The following SRRM4 variants were observed in gnomAD, a reference collection of about 807,000 sequenced individuals.
The protein encoded by SRRM4 is serine/arginine repetitive matrix 4.
SRRM4 carries 33 observed loss-of-function variants against 68.9 expected under a neutral mutation model. That is an observed-to-expected ratio of 0.48 (90% confidence interval 0.36 to 0.64). The LOEUF is 0.64. Among genes scored for constraint, SRRM4 ranks in the 30% least tolerant of loss-of-function variants. The pLI is 0.00. For synonymous variants in SRRM4, 318 were observed against 318.8 expected (o/e 1.00, Z 0.03); for missense variants, 817 against 827.1 (o/e 0.99, Z 0.15).
At chr12:118,991,049 C>T (rs1953313452) in intron 1 of SRRM4, among the ~76,000 whole-genome samples, 1 of 152,156 alleles carries the variant, frequency 6.6e-6, no homozygotes, top group Non-Finnish European at 1.5e-5. Flanking sequence ...AGGTGATCCA[C>T]CCTCCTCGGC....
intron 5 of SRRM4, 145 bp downstream of exon 5, chr12:119,120,421 A>G: frequency 1.1e-6 from 1 of 894,134 alleles, no homozygotes; most frequent in Non-Finnish European, 1.7e-6. Context: ...CTCCAAAATG[A>G]AGGTCTGGGC....
Position 119,002,165 on chromosome 12 carries a change from C to T in SRRM4, c.131+20152C>T, listed in dbSNP as rs115642433. On this transcript the variant is annotated intron_variant, in intron 1 of 12. Coordinates refer to ENST00000267260, the MANE Select transcript of SRRM4 (RefSeq NM_194286.4). ...CATGACGATAGACGAAGTGCTTAGCCCAGTTGCCTGCCATGCCATTAGTCC... is the reference window on the plus strand; with the variant it reads ...CATGACGATAGACGAAGTGCTTAGCTCAGTTGCCTGCCATGCCATTAGTCC... Among the ~76,000 whole-genome samples, 1,257 of 152,052 alleles carry T rather than the reference C, an allele frequency of 8.3e-3. 24 individuals are homozygous for T. Among genetic ancestry groups the T allele is most frequent in the African/African-American group, 0.029 (1,193 of 41,444 alleles).
intron 1 of SRRM4, among the ~76,000 whole-genome samples, chr12:119,094,465 C>T (rs1056054209): frequency 6.6e-6 from 1 of 152,214 alleles, no homozygotes; most frequent in African/African-American, 2.4e-5. Flanking sequence ...CTACATGGCC[C>T]TGAAGAATCC....
intron 1 of SRRM4, among the ~76,000 whole-genome samples, chr12:118,997,838 A>T (rs1373654474): frequency 1.3e-5 from 2 of 151,998 alleles, no homozygotes; most frequent in African/African-American, 4.8e-5. Context: ...CAGTTTACAG[A>T]GGAGGAAGCT....
At chr12:119,044,407 C>T (rs1385072165) in intron 1 of SRRM4, among the ~76,000 whole-genome samples, 1 of 152,154 alleles carries the variant, frequency 6.6e-6, no homozygotes, top group Admixed American at 6.5e-5. Context: ...TGCACAGGCC[C>T]AGAGTTTTTA....
chr12:119,114,854 C>A (rs1954168146), intron 3 of SRRM4, among the ~76,000 whole-genome samples: 1 of 151,754 alleles, frequency 6.6e-6, no homozygotes, highest in Non-Finnish European at 1.5e-5. Context: ...TTAGTAGAGA[C>A]AGAATTTCAC....
At chr12:119,122,268 C>G in intron 6 of SRRM4, 148 bp downstream of exon 6, 4 of 239,812 alleles carry the variant, frequency 1.7e-5, no homozygotes, top group Non-Finnish European at 2.2e-5. Flanking sequence ...GGCAGGAAGG[C>G]AGGAAGGCAG....
chr12:119,064,825 G>A (rs1354533238), intron 1 of SRRM4, among the ~76,000 whole-genome samples: 1 of 151,904 alleles, frequency 6.6e-6, no homozygotes, highest in African/African-American at 2.4e-5. Context: ...GGAAAAGGGG[G>A]AAAAAATGGT....
intron 1 of SRRM4, among the ~76,000 whole-genome samples, chr12:119,047,017 G>C: frequency 7.9e-6 from 1 of 127,388 alleles, no homozygotes; most frequent in South Asian, 2.7e-4. Context: ...GGGTGACAGA[G>C]TGAGATCCCG....
chr12:119,019,019 C>A (rs1350598898), intron 1 of SRRM4, among the ~76,000 whole-genome samples: 1 of 152,142 alleles, frequency 6.6e-6, no homozygotes, highest in Non-Finnish European at 1.5e-5. Context: ...TCACAGGGAA[C>A]TTTCCCAGAA....
chr12:119,134,207 T>G (rs1954314671), intron 8 of SRRM4, among the ~76,000 whole-genome samples: 1 of 151,910 alleles, frequency 6.6e-6, no homozygotes, highest in Non-Finnish European at 1.5e-5. Flanking sequence ...ATATGCAAAT[T>G]TGGGGGTTGG....
At chr12:119,002,418 TC>T (rs968618898) in intron 1 of SRRM4, among the ~76,000 whole-genome samples, 1 of 152,072 alleles carries the variant, frequency 6.6e-6, no homozygotes, top group African/African-American at 2.4e-5. Flanking sequence ...ATATGGTCCC[TC>T]CACTCAAGGA....
chr12:118,995,656 G>A (rs1487091457), intron 1 of SRRM4, among the ~76,000 whole-genome samples: 1 of 152,338 alleles, frequency 6.6e-6, no homozygotes, highest in East Asian at 1.9e-4. Context: ...TCTTGAGTGA[G>A]AAATTTGGGA....
chr12:119,013,832 G>A (rs1015758365), intron 1 of SRRM4, among the ~76,000 whole-genome samples: 1 of 152,088 alleles, frequency 6.6e-6, no homozygotes, highest in Non-Finnish European at 1.5e-5. Context: ...ACCTTGGAGG[G>A]TATATCTATA....
intron 1 of SRRM4, among the ~76,000 whole-genome samples, chr12:119,100,168 T>C (rs1326803278): frequency 6.6e-6 from 1 of 151,960 alleles, no homozygotes; most frequent in Non-Finnish European, 1.5e-5. Context: ...ATTTCTTAGC[T>C]CTGTATGCTG....
At position 119,154,531 on chromosome 12, in the gene SRRM4, GA is replaced by G; in HGVS notation, c.1532+151del. 1 of 874,732 alleles carries G rather than the reference GA, an allele frequency of 1.1e-6. No homozygotes were observed. The highest frequency in any genetic ancestry group is 1.7e-6 in the Non-Finnish European group (1 of 576,540). The allele number at this position is 874,732 out of a possible 1,614,324, so 54.2% of individuals were successfully genotyped here. ...TGGTCCCCCCAACCCCAACATCATTGAAATTACGTGTCTGTTCAAAGCCTTG... is the reference window on the plus strand; with the variant it reads ...TGGTCCCCCCAACCCCAACATCATTGAATTACGTGTCTGTTCAAAGCCTTG... On this transcript the variant is annotated intron_variant, in intron 12 of 12. Coordinates refer to ENST00000267260, the MANE Select transcript of SRRM4 (RefSeq NM_194286.4). This position sits in a 1 kb window ranked among gnomAD's most constrained non-coding sequence, Gnocchi z 4.7.
chr12:119,120,274 C>G lies in SRRM4; in HGVS notation c.462C>G (p.His154Gln). 6.5e-7 allele frequency: 1 copy of G among 1,550,364 alleles called. No homozygotes were observed. ...RRRSFSKKRR[H>Q]SSSSPKSKRR... ...GGTCATTCTCCAAGAAGAGAAGGCACAGGTAAGACTCTTGTTCTCTGACTG... is the reference window on the plus strand; with the variant it reads ...GGTCATTCTCCAAGAAGAGAAGGCAGAGGTAAGACTCTTGTTCTCTGACTG... Residue 154 changes from histidine to glutamine, a missense_variant and splice_region_variant, in exon 5 of 13, where the codon CAC becomes CAG. Coordinates refer to ENST00000267260, the MANE Select transcript of SRRM4 (RefSeq NM_194286.4).
chr12:119,128,324 C>G (rs1267054606), intron 7 of SRRM4, among the ~76,000 whole-genome samples: 1 of 152,156 alleles, frequency 6.6e-6, no homozygotes, highest in East Asian at 1.9e-4. Flanking sequence ...GCCTTAGCCT[C>G]GGTCTAGTCC....
At chr12:119,001,899 C>A (rs1323394995) in intron 1 of SRRM4, 1 of 151,692 alleles carries the variant, frequency 6.6e-6, no homozygotes, top group Admixed American at 6.6e-5. Flanking sequence ...AGGAGGATCC[C>A]TCGATCCTGG....
Sources: allele counts gnomAD v4.1 joint callset (sites outside exome capture counted in the v4.1 genomes callset), GRCh38; gene constraint gnomAD v4.1.1; non-coding constraint Gnocchi (gnomAD v3.1); transcripts MANE v1.5; gene names NCBI Gene and HGNC (gene_info 2026-07-23, HGNC 2026-07-21).